The following FGD6 variants were observed in gnomAD, a reference collection of about 807,000 sequenced individuals.
FGD6 encodes FYVE, RhoGEF and PH domain containing 6.
Under a neutral mutation model 149.4 loss-of-function variants are expected in FGD6, and 90 were observed. The ratio of observed to expected loss-of-function variants is 0.60; its 90% CI spans 0.51 to 0.72. FGD6 has a LOEUF of 0.72. Ranked by LOEUF, FGD6 falls within the 30% of genes least tolerant of loss-of-function variation. The pLI is 0.00. For synonymous variants in FGD6, 527 were observed against 584.0 expected, an observed-to-expected ratio of 0.90 and a Z score of 1.41; for missense variants, 1,437 against 1,684.8, an observed-to-expected ratio of 0.85 and a Z score of 2.57.
chr12:95,112,623 T>C (rs145328570), intron 9 of FGD6, among the ~76,000 whole-genome samples: 2 of 152,168 alleles, frequency 1.3e-5, no homozygotes, highest in African/African-American at 2.4e-5. Flanking sequence ...ACAAGGGGTA[T>C]ACCTGTGACA....
chr12:95,152,105 C>A (rs1235861528), intron 5 of FGD6, among the ~76,000 whole-genome samples: 2 of 152,086 alleles, frequency 1.3e-5, no homozygotes, highest in Non-Finnish European at 2.9e-5. Flanking sequence ...GCGGGTTGAT[C>A]ACTTGAGCCC....
chr12:95,170,471 G>A (rs544961919), intron 3 of FGD6, among the ~76,000 whole-genome samples: 5 of 151,918 alleles, frequency 3.3e-5, no homozygotes, highest in South Asian at 2.1e-4. Context: ...GTGAAACCCC[G>A]TCTCTACTAA....
chr12:95,086,525 A>AT (rs144016507), intron 18 of FGD6, among the ~76,000 whole-genome samples: 8,879 of 124,962 alleles, frequency 0.071, 384 homozygotes, highest in East Asian at 0.15. Flanking sequence ...TTACTGATTG[A>AT]TTTTTTTTTT....
intron 14 of FGD6, 112 bp downstream of exon 14, chr12:95,104,895 A>G: frequency 1.3e-6 from 1 of 763,596 alleles, no homozygotes; most frequent in South Asian, 1.9e-5. Context: ...CCTGGGTGAC[A>G]GAGTGAGATG....
At chr12:95,155,030 A>G (rs1477087980) in intron 3 of FGD6, among the ~76,000 whole-genome samples, 1 of 152,132 alleles carries the variant, frequency 6.6e-6, no homozygotes, top group Non-Finnish European at 1.5e-5. Context: ...CAACCAAGGT[A>G]AAAAAATAGA....
Position 95,211,038 on chromosome 12 carries a change from ATG to A in FGD6, c.244_245del (p.His82Ter). On this transcript the variant is annotated frameshift_variant, in exon 2 of 21. Transcript: ENST00000343958. LOFTEE classifies it high-confidence loss of function. Reference sequence around the variant, plus strand: ...CAGTGCTTTCAGCTAATTCCTGTTTATGCCCTTCCAGGTTCAACATGATTTTC... The same window carrying A: ...CAGTGCTTTCAGCTAATTCCTGTTTACCCTTCCAGGTTCAACATGATTTTC... Reference protein sequence around the residue: ...SRKIMLNLEGHKQELAESTDN... With the variant: ...SRKIMLNLEGXKQELAESTDN... 1.2e-6 allele frequency: 2 copies of A among 1,614,124 alleles called. No homozygotes were observed. Among genetic ancestry groups the A allele is most frequent in the African/African-American group, 2.7e-5 (2 of 75,034 alleles).
chr12:95,186,265 T>G (rs1475977129), intron 2 of FGD6, among the ~76,000 whole-genome samples: 2 of 119,636 alleles, frequency 1.7e-5, no homozygotes, highest in East Asian at 2.6e-4. Flanking sequence ...TTTTTTTTTT[T>G]TGAGACGGAG....
chr12:95,160,107 G>A (rs1177760263), intron 3 of FGD6, among the ~76,000 whole-genome samples: 1 of 151,990 alleles, frequency 6.6e-6, no homozygotes, highest in Non-Finnish European at 1.5e-5. Flanking sequence ...CAATTTGGGA[G>A]GCTGAGGTGG....
Position 95,092,862 on chromosome 12 carries a change from A to G in FGD6, c.3601-17T>C, listed in dbSNP as rs1878104118. The G allele has an allele frequency of 6.3e-7, 1 of 1,593,946 alleles. No individual in the cohort carries two copies. The highest frequency in any genetic ancestry group is 1.8e-5 in the Admixed American group (1 of 56,606). ...TGAGTCTGCCTGTGGAAGAAGAACA[A>G]CTTCTGATTATCTCCATGCACACTG... On this transcript the variant is annotated splice_polypyrimidine_tract_variant and intron_variant, in intron 15 of 20. Coordinates refer to ENST00000343958, the MANE Select transcript of FGD6 (RefSeq NM_018351.4).
intron 1 of FGD6, 142 bp downstream of exon 1, chr12:95,217,083 T>C: frequency 1.5e-6 from 2 of 1,311,448 alleles, no homozygotes; most frequent in Non-Finnish European, 1.1e-6. Context: ...GCGAATCCCA[T>C]TAGCTCCGCG....
chr12:95,119,697 G>A (rs376626101), intron 8 of FGD6, among the ~76,000 whole-genome samples: 1 of 152,216 alleles, frequency 6.6e-6, no homozygotes, highest in Non-Finnish European at 1.5e-5. Context: ...TTGGGAGGCC[G>A]AAGTGGGCAG....
rs1014657694 is a variant in FGD6, at chr12:95,079,337, T to A, written c.*2183A>T. ...TGTAATTAAAGAGACTGTAAGTTTG[T>A]GCCAGATTTCTTCCCTCTCTCACTC... is the stretch of plus-strand genomic sequence containing the variant. On this transcript the variant is annotated 3_prime_UTR_variant, in exon 21 of 21. Transcript: ENST00000343958. The A allele has an allele frequency of 3.7e-4, 56 of 152,384 alleles. No individual in the cohort carries two copies. Among genetic ancestry groups the A allele is most frequent in the African/African-American group, 1.3e-3 (53 of 41,596 alleles). The allele number at this position is 152,384 out of a possible 1,614,324, so 9.4% of individuals were successfully genotyped here.
chr12:95,131,188 C>T (rs1879511445), intron 8 of FGD6, among the ~76,000 whole-genome samples: 1 of 151,148 alleles, frequency 6.6e-6, no homozygotes, highest in Non-Finnish European at 1.5e-5. Flanking sequence ...CTCAGCTCAC[C>T]ACAACCTCTG....
chr12:95,086,684 C>T (rs1254491744), intron 18 of FGD6, among the ~76,000 whole-genome samples: 2 of 149,448 alleles, frequency 1.3e-5, no homozygotes, highest in South Asian at 4.2e-4. Context: ...GGACTACAGG[C>T]GCCTGCCACC....
At chr12:95,164,909 C>T (rs904300533) in intron 3 of FGD6, among the ~76,000 whole-genome samples, 10 of 152,180 alleles carry the variant, frequency 6.6e-5, no homozygotes, top group African/African-American at 2.2e-4. Flanking sequence ...CTTAGGTTTT[C>T]GCCCTTTCTT....
chr12:95,183,883 G>C (rs7136056), intron 2 of FGD6, among the ~76,000 whole-genome samples: 133,711 of 151,918 alleles, frequency 0.88, 59,214 homozygotes, highest in East Asian at 0.97. Flanking sequence ...AGGTGCCATT[G>C]TCTGGGATCG....
chr12:95,178,561 T>C (rs770457475), intron 2 of FGD6, among the ~76,000 whole-genome samples: 46 of 152,332 alleles, frequency 3.0e-4, no homozygotes, highest in South Asian at 8.3e-4. Context: ...AGGACATCTA[T>C]CAATTTTTTT....
At chr12:95,152,752 T>C in intron 5 of FGD6, 59 bp downstream of exon 5, 2 of 1,496,974 alleles carry the variant, frequency 1.3e-6, no homozygotes, top group Non-Finnish European at 1.8e-6. Context: ...CTTCTAGGGG[T>C]AGGGAAAGTA....
chr12:95,115,355 T>C (rs1056051012), intron 8 of FGD6, among the ~76,000 whole-genome samples: 2 of 150,320 alleles, frequency 1.3e-5, no homozygotes, highest in African/African-American at 4.9e-5. Flanking sequence ...ATCCTGCCTC[T>C]GCCTCCCAAA....
Sources: gnomAD v4.1 joint callset for allele counts (sites outside exome capture counted in the v4.1 genomes callset) on GRCh38, gnomAD v4.1.1 for gene constraint, MANE v1.5 for transcripts, NCBI Gene and HGNC (gene_info 2026-07-23, HGNC 2026-07-21) for gene names.